The following NIN variants were observed in gnomAD, a reference collection of about 807,000 sequenced individuals.
NIN encodes glycogen synthase kinase 3 beta-interacting protein.
In NIN, 137 loss-of-function variants were observed where a neutral mutation model predicts 257.6. That is an observed-to-expected ratio of 0.53 (90% CI 0.46 to 0.61). The LOEUF (loss-of-function observed/expected upper bound fraction) is 0.61, where lower values mean the gene tolerates loss of function less well. Among genes scored for constraint, NIN ranks in the 20% least tolerant of loss-of-function variants. The pLI is 0.00. For synonymous variants in NIN, 918 were observed against 919.8 expected (o/e 1.00, Z 0.04); for missense variants, 2,439 against 2,501.2 (o/e 0.98, Z 0.53).
In NIN at chr14:50,748,053, T is replaced by C. The variant is rs1411404778; in HGVS notation, c.5003A>G (p.Gln1668Arg). ...GTTTTCCTGTTGCACAATATGGGTC[T>C]GTATTTTAACTTCAGAGAGCTCCGC... is the stretch of plus-strand genomic sequence containing the variant. ...LEAELSEVKI[Q>R]THIVQQENHL... Residue 1668 changes from glutamine to arginine, a missense_variant, in exon 22 of 31, where the codon CAG (glutamine) becomes CGG (arginine). Gln to Arg is a conservative substitution (Grantham distance 43). Transcript: ENST00000530997. The C allele has an allele frequency of 1.2e-6, 2 of 1,614,006 alleles. No individual in the cohort carries two copies. Among genetic ancestry groups the C allele is most frequent in the South Asian group, 1.1e-5 (1 of 91,090 alleles).
rs766941335 is a variant in NIN, at chr14:50,729,617, A to G, written c.5984T>C (p.Leu1995Pro). Reference protein sequence around the residue: ...ACPMVPREQFLQLQRQLLQAE... With the variant: ...ACPMVPREQFPQLQRQLLQAE... ...CTGCAGCAGCTGGCGTTGAAGCTGCAGAAACTGCTCCCTGGGCACCATCGG... is the reference window on the plus strand; with the variant it reads ...CTGCAGCAGCTGGCGTTGAAGCTGCGGAAACTGCTCCCTGGGCACCATCGG... Residue 1995 changes from leucine (L) to proline (P), a missense_variant, in exon 29 of 31, where the codon CTG becomes CCG. Transcript: ENST00000530997. 2.5e-6 allele frequency: 4 copies of G among 1,613,978 alleles called. No homozygotes were observed. The highest frequency in any genetic ancestry group is 2.7e-5 in the African/African-American group (2 of 74,944).
intron 2 of NIN, among the ~76,000 whole-genome samples, chr14:50,822,480 A>C (rs751529175): frequency 6.6e-6 from 1 of 152,194 alleles, no homozygotes; most frequent in Non-Finnish European, 1.5e-5. Flanking sequence ...CTTTGACAGC[A>C]AGACTATTCA....
chr14:50,723,571 T>G lies in NIN; in HGVS notation c.6294A>C (p.Thr2098=), dbSNP rs935610224. ...CCAGGAGGTAATTTTTCTTCTCTGC[T>G]GTTTTCTGTCGCTGTTCAGTCACTT... ...ALEVTEQRQK[T]AEKKNYLLEE... Residue 2098 remains threonine, a synonymous_variant, in exon 31 of 31, where the codon ACA becomes ACC. Coordinates refer to ENST00000530997, the MANE Select transcript of NIN (RefSeq NM_020921.4). The G allele has an allele frequency of 1.2e-6, 2 of 1,613,856 alleles. No homozygotes were observed. Among genetic ancestry groups the G allele is most frequent in the African/African-American group, 2.7e-5 (2 of 74,930 alleles).
rs371558652 is a variant in NIN at position 50,727,685 on chromosome 14, G to C, written c.6079-1619C>G. On this transcript the variant is annotated intron_variant, in intron 29 of 30. Coordinates refer to ENST00000530997, the MANE Select transcript of NIN (RefSeq NM_020921.4). ...AAGAAATGCCATCAATAGCAGCCCA[G>C]TTTTCACAGGTGCCCAATCCTTCTG... The C allele has an allele frequency of 4.2e-6, 6 of 1,440,768 alleles. No homozygotes were observed. The East Asian group carries it at 1.5e-4, about 37-fold the overall frequency. The allele number at this position is 1,440,768 out of a possible 1,614,324, so 89.2% of individuals were successfully genotyped here.
intron 14 of NIN, 102 bp downstream of exon 14, chr14:50,766,205 C>G: frequency 1.2e-6 from 1 of 824,142 alleles, no homozygotes; most frequent in Admixed American, 2.1e-5. Context: ...GAAGTACCCA[C>G]AGATGAAGTG....
chr14:50,810,331 C>A (rs1200844315), intron 3 of NIN, among the ~76,000 whole-genome samples: 2 of 151,680 alleles, frequency 1.3e-5, no homozygotes, highest in Non-Finnish European at 2.9e-5. Flanking sequence ...TGCTTCCCAA[C>A]TCACTGCAGA....
chr14:50,771,579 T>TGGAATTGTCTAATTGC, intron 9 of NIN, 111 bp from the exon 10 acceptor site: 3 of 1,156,624 alleles, frequency 2.6e-6, no homozygotes, highest in Non-Finnish European at 3.7e-6. Context: ...GATCTAGCAA[T>TGGAATTGTCTAATTGC]TAGACAATTC....
At chr14:50,741,866 G>T in intron 24 of NIN, 138 bp from the exon 25 acceptor site, 1 of 869,976 alleles carries the variant, frequency 1.1e-6, no homozygotes, top group Non-Finnish European at 1.8e-6. Context: ...CTTGTCAGTA[G>T]CTCAGTGGAA....
chr14:50,778,312 G>A (rs1484683741), intron 6 of NIN, among the ~76,000 whole-genome samples: 1 of 152,116 alleles, frequency 6.6e-6, no homozygotes, highest in Admixed American at 6.5e-5. Flanking sequence ...TGAGTAGCTG[G>A]GACGACAGGC....
At chr14:50,749,637 T>A (rs1413839666) in intron 21 of NIN, among the ~76,000 whole-genome samples, 1 of 152,176 alleles carries the variant, frequency 6.6e-6, no homozygotes, top group East Asian at 1.9e-4. Flanking sequence ...AGAGCTGTTG[T>A]TTTCCCTCCC....
chr14:50,809,664 T>C (rs953244368), intron 3 of NIN, among the ~76,000 whole-genome samples: 2 of 152,208 alleles, frequency 1.3e-5, no homozygotes, highest in African/African-American at 4.8e-5. Flanking sequence ...AATTCATTGT[T>C]TGAAGGTCAC....
rs1232909598 is a variant in NIN, at chr14:50,729,715, G to C, written c.5886C>G (p.His1962Gln). Residue 1962 changes from histidine (H) to glutamine (Q), a missense_variant, in exon 29 of 31, where the codon CAC becomes CAG. By Grantham distance (24) the His-to-Gln change is conservative. This residue lies in a region of NIN where 2,043 missense variants were observed against 2,050.2 expected (regional missense o/e 1.00). Transcript: ENST00000530997. Reference sequence around the variant, plus strand: ...GGCTAGGCGTCGCAGTGGACCTCAGGTGCTGCATCTGAAGGACAAGGGCAA... The same window carrying C: ...GGCTAGGCGTCGCAGTGGACCTCAGCTGCTGCATCTGAAGGACAAGGGCAA... The part of the protein sequence containing the change: ...KLDEQLMEMQ[H>Q]LRSTATPSPS... 3 of 1,600,666 alleles carry C rather than the reference G, an allele frequency of 1.9e-6. No homozygotes were observed. The highest frequency in any genetic ancestry group is 2.6e-6 in the Non-Finnish European group (3 of 1,173,004).
rs149923604 is a variant in NIN at position 50,763,150 on chromosome 14, G to T, written c.1774+676C>A. ...CGACACTCCTATCCCCAATAGCACT[G>T]GGGAAAGTTATTTATAACAGAATAA... On this transcript the variant is annotated intron_variant, in intron 15 of 30. Coordinates refer to ENST00000530997, the MANE Select transcript of NIN (RefSeq NM_020921.4). Among the ~76,000 whole-genome samples the T allele has an allele frequency of 2.6e-4, 40 of 152,122 alleles. No individual in the cohort carries two copies. The East Asian group carries it at 7.1e-3, about 27-fold the overall frequency.
intron 9 of NIN, among the ~76,000 whole-genome samples, 167 bp from the exon 10 acceptor site, chr14:50,771,635 A>C (rs924242170): frequency 6.6e-6 from 1 of 152,146 alleles, no homozygotes; most frequent in African/African-American, 2.4e-5. Flanking sequence ...TCTAGAACAC[A>C]GTTAAGTTTT....
At chr14:50,821,396 T>C (rs2045214524) in intron 3 of NIN, among the ~76,000 whole-genome samples, 1 of 152,268 alleles carries the variant, frequency 6.6e-6, no homozygotes, top group Non-Finnish European at 1.5e-5. Flanking sequence ...GAACCTGCAC[T>C]GTATTTATTT....
At chr14:50,802,319 C>T in intron 4 of NIN, among the ~76,000 whole-genome samples, 1 of 152,046 alleles carries the variant, frequency 6.6e-6, no homozygotes, top group Admixed American at 6.6e-5. Context: ...GGGAAAAACG[C>T]TAAGATTCTT....
At chr14:50,747,950 C>G (rs370802655) in intron 22 of NIN, 42 bp downstream of exon 22, 1 of 1,290,920 alleles carries the variant, frequency 7.7e-7, no homozygotes, top group Admixed American at 1.7e-5. Context: ...CCACCAGGTA[C>G]ATATTGTTCT....
chr14:50,729,245 T>C (rs2040567010), intron 29 of NIN, among the ~76,000 whole-genome samples: 1 of 149,114 alleles, frequency 6.7e-6, no homozygotes, highest in African/African-American at 2.5e-5. Context: ...AGATTTAGGA[T>C]TGTGATTTTG....
chr14:50,755,252 G>A (rs1449844978), intron 18 of NIN, among the ~76,000 whole-genome samples: 1 of 152,118 alleles, frequency 6.6e-6, no homozygotes, highest in Non-Finnish European at 1.5e-5. Flanking sequence ...AGCTATATTA[G>A]CTTAGTTTTA....
Sources: allele counts gnomAD v4.1 joint callset (sites outside exome capture counted in the v4.1 genomes callset), GRCh38; gene constraint gnomAD v4.1.1; regional missense constraint gnomAD v4.1.1; transcripts MANE v1.5; gene names NCBI Gene and HGNC (gene_info 2026-07-23, HGNC 2026-07-21).